SPG7: variants seen among roughly 807,000 people sequenced by gnomAD.
SPG7 encodes SPG7 matrix AAA peptidase subunit, paraplegin.
In SPG7, 103 loss-of-function variants were observed where a neutral mutation model predicts 81.9. That is an observed-to-expected ratio of 1.26 (90% CI 1.07 to 1.48). SPG7 has a LOEUF of 1.48. Among genes scored for constraint, SPG7 ranks in the 40% most tolerant of loss-of-function variants. SPG7 has a pLI of 0.00. For synonymous variants in SPG7, 534 were observed against 444.2 expected (o/e 1.20, Z -2.54); for missense variants, 1,241 against 1,087.3 (o/e 1.14, Z -1.99).
intron 3 of SPG7, 56 bp from the exon 4 acceptor site, chr16:89,523,950 G>A (rs750363684): frequency 1.8e-5 from 29 of 1,601,774 alleles, no homozygotes; most frequent in Admixed American, 6.7e-5. Flanking sequence ...TCTGGATGTC[G>A]CCCGTGTCTG....
At chr16:89,548,275 A>C (rs915243130) in intron 12 of SPG7, 162 bp downstream of exon 12, 3 of 609,400 alleles carry the variant, frequency 4.9e-6, no homozygotes, top group Non-Finnish European at 8.9e-6. Context: ...GATACCTTGT[A>C]CTTTTCCTTA....
chr16:89,532,136 CTG>C, intron 8 of SPG7, 70 bp downstream of exon 8: 1 of 1,499,194 alleles, frequency 6.7e-7, no homozygotes, highest in South Asian at 1.1e-5. Flanking sequence ...CATCCTTCCT[CTG>C]GTGTCTGGAC....
chr16:89,544,650 A>G lies in SPG7; in HGVS notation c.1327A>G (p.Met443Val), dbSNP rs1597653882. The change falls in exon 10 of 17, where the codon ATG becomes GTG. Residue 443 changes from methionine to valine, a missense_variant and splice_region_variant. Coordinates refer to ENST00000645818, the MANE Select transcript of SPG7 (RefSeq NM_003119.4). The stretch of plus-strand genomic sequence containing the variant: ...CACTGTCTGCTCTGTCCCCTCAGGA[A>G]TGGGTACCACAGACCATGTCATCGT... ...LNQLLVEMDG[M>V]GTTDHVIVLA... is the part of the protein sequence containing the mutation. The G allele has an allele frequency of 6.2e-7, 1 of 1,613,936 alleles. No individual in the cohort carries two copies. The highest frequency in any genetic ancestry group is 1.1e-5 in the South Asian group (1 of 91,072).
chr16:89,520,037 A>T (rs1444332806), intron 3 of SPG7: 1 of 152,286 alleles, frequency 6.6e-6, no homozygotes, highest in East Asian at 1.9e-4. Flanking sequence ...CGAGGTGTGC[A>T]TATGAGGCTC....
chr16:89,547,405 C>T (rs907493049), intron 11 of SPG7: 11 of 178,222 alleles, frequency 6.2e-5, no homozygotes, highest in African/African-American at 2.6e-4. Context: ...CGGATGGAGC[C>T]TGGCGGTTCT....
At chr16:89,517,347 G>A (rs567899784) in intron 3 of SPG7, 3 of 152,092 alleles carry the variant, frequency 2.0e-5, no homozygotes, top group Admixed American at 2.0e-4. Context: ...GGCAGCCTCC[G>A]TTGTCATGGT....
chr16:89,529,758 C>G, intron 6 of SPG7, 179 bp downstream of exon 6: 1 of 666,948 alleles, frequency 1.5e-6, no homozygotes. Context: ...CGTGTAGTAA[C>G]CAATGTTGCC....
At chr16:89,514,905 C>A (rs1054562710) in intron 3 of SPG7, among the ~76,000 whole-genome samples, 1 of 150,160 alleles carries the variant, frequency 6.7e-6, no homozygotes. Context: ...GCTGAGATTA[C>A]AGGTGTGAAC....
rs116159397 is a variant in SPG7, at chr16:89,537,454, C to T, written c.1324+4818C>T. Reference sequence around the variant, plus strand: ...CAGGCCTCCCTTCAACGTAGTCATCCCCTGGTGGTGGAAGCAAGACGACGG... The same window carrying T: ...CAGGCCTCCCTTCAACGTAGTCATCTCCTGGTGGTGGAAGCAAGACGACGG... On this transcript the variant is annotated intron_variant, in intron 9 of 16. Transcript: ENST00000645818. The T allele has an allele frequency of 2.8e-3, 2,813 of 1,011,686 alleles. 42 individuals are homozygous for T. The African/African-American group carries it at 0.035, about 12-fold the overall frequency. The allele number at this position is 1,011,686 out of a possible 1,614,324, so 62.7% of individuals were successfully genotyped here. A position where few individuals can be genotyped will look rare whatever the true frequency, so the allele number is the denominator to read the frequency against.
At chr16:89,547,337 C>T (rs2058576445) in intron 11 of SPG7, 1 of 180,108 alleles carries the variant, frequency 5.6e-6, no homozygotes, top group African/African-American at 2.4e-5. Context: ...TAGGTGGAAT[C>T]AGCCACAAGA....
intron 3 of SPG7, chr16:89,523,269 GTTC>G (rs1401428584): frequency 4.5e-6 from 1 of 222,454 alleles, no homozygotes; most frequent in African/African-American, 2.3e-5. Context: ...ATATTTTTAA[GTTC>G]TATTTTCAGA....
At chr16:89,545,956 T>G (rs1450586662) in intron 10 of SPG7, 2 of 449,378 alleles carry the variant, frequency 4.5e-6, no homozygotes, top group Non-Finnish European at 8.9e-6. Flanking sequence ...GGGCTCAAGC[T>G]GAGGAGCTAG....
intron 12 of SPG7, chr16:89,548,779 C>G (rs1340659005): frequency 7.9e-6 from 3 of 378,478 alleles, no homozygotes; most frequent in Admixed American, 3.0e-5. Context: ...GATGGCAACA[C>G]CCAGACGTGA....
chr16:89,554,876 A>T (rs756515329), intron 16 of SPG7: 3 of 285,604 alleles, frequency 1.1e-5, no homozygotes, highest in African/African-American at 4.5e-5. Flanking sequence ...TTTCTTGAAC[A>T]TTTTTTTAAA....
At chr16:89,534,535 T>C (rs1050664660) in intron 9 of SPG7, among the ~76,000 whole-genome samples, 5 of 152,178 alleles carry the variant, frequency 3.3e-5, no homozygotes, top group African/African-American at 1.2e-4. Context: ...GAGGGAGACT[T>C]TTTTTCCCCA....
chr16:89,544,942 C>T, intron 10 of SPG7, 170 bp downstream of exon 10: 1 of 766,570 alleles, frequency 1.3e-6, no homozygotes, highest in Admixed American at 2.1e-5. Context: ...CCCAGCAGAC[C>T]TGCCCACCGG....
intron 3 of SPG7, among the ~76,000 whole-genome samples, chr16:89,516,631 C>T (rs188367294): frequency 1.3e-5 from 2 of 151,134 alleles, no homozygotes; most frequent in Admixed American, 1.3e-4. Context: ...GAGGCCAAGG[C>T]GAGCAGATCA....
chr16:89,518,939 C>A (rs1409732023), intron 3 of SPG7: 1 of 152,002 alleles, frequency 6.6e-6, no homozygotes, highest in African/African-American at 2.4e-5. Context: ...AGATGGAACC[C>A]CTGGAAGCAG....
intron 9 of SPG7, chr16:89,536,832 C>T (rs773631823): frequency 6.2e-7 from 1 of 1,614,196 alleles, no homozygotes; most frequent in Non-Finnish European, 8.5e-7. Context: ...CCCCCGCCTG[C>T]TCCTGTCTCA....
Sources: allele counts gnomAD v4.1 joint callset (sites outside exome capture counted in the v4.1 genomes callset), GRCh38; gene constraint gnomAD v4.1.1; transcripts MANE v1.5; gene names NCBI Gene and HGNC (gene_info 2026-07-23, HGNC 2026-07-21).